Variants in FAM110B observed in about 807,000 individuals in gnomAD.
The protein encoded by FAM110B is protein FAM110B.
A neutral mutation model predicts 20.4 loss-of-function variants in FAM110B; 6 were observed. The ratio of observed to expected loss-of-function variants is 0.29; its 90% CI spans 0.16 to 0.58. The LOEUF (loss-of-function observed/expected upper bound fraction) is 0.58. FAM110B is among the 20% of genes least tolerant of loss of function. The pLI is 0.90. For missense variants in FAM110B, 434 were observed against 498.2 expected (o/e 0.87, Z 1.23); for synonymous variants, 226 against 214.1 (o/e 1.06, Z -0.49).
At chr8:58,106,231 A>G (rs1050022266) in intron 3 of FAM110B, 1 of 152,158 alleles carries the variant, frequency 6.6e-6, no homozygotes, top group Non-Finnish European at 1.5e-5. Flanking sequence ...TCATTCCCCA[A>G]ATCACTCTGT....
At chr8:58,134,870 G>T (rs968361427) in intron 3 of FAM110B, among the ~76,000 whole-genome samples, 19 of 152,148 alleles carry the variant, frequency 1.2e-4, no homozygotes, top group Admixed American at 1.2e-3. Context: ...TGGTTATTTG[G>T]TTTAACAAAA....
At chr8:58,126,007 AACC>A (rs1721912497) in intron 3 of FAM110B, among the ~76,000 whole-genome samples, 1 of 152,190 alleles carries the variant, frequency 6.6e-6, no homozygotes, top group Non-Finnish European at 1.5e-5. Context: ...AGATTTGTGT[AACC>A]ACCACCACAA....
intron 2 of FAM110B, among the ~76,000 whole-genome samples, chr8:58,061,873 A>AT (rs1307099656): frequency 1.3e-5 from 2 of 152,204 alleles, no homozygotes; most frequent in Admixed American, 6.5e-5. Context: ...TGGAGGAATA[A>AT]CTTCTTTTTA....
chr8:57,995,895 A>T (rs546912351), intron 1 of FAM110B, among the ~76,000 whole-genome samples: 1 of 152,258 alleles, frequency 6.6e-6, no homozygotes, highest in East Asian at 1.9e-4. Context: ...TAACTGGTCT[A>T]TTTCTCAAAA....
chr8:58,077,968 A>T (rs1161400832), intron 3 of FAM110B, among the ~76,000 whole-genome samples: 1 of 152,244 alleles, frequency 6.6e-6, no homozygotes. Context: ...AATAGATTGA[A>T]ACATTTTTAA....
chr8:58,100,814 G>GT (rs1806760851), intron 3 of FAM110B: 1 of 152,180 alleles, frequency 6.6e-6, no homozygotes, highest in South Asian at 2.1e-4. Context: ...GGTATTGGAG[G>GT]TTAGAACTTA....
chr8:58,018,633 A>G (rs1278283070), intron 1 of FAM110B, among the ~76,000 whole-genome samples: 1 of 152,166 alleles, frequency 6.6e-6, no homozygotes, highest in Admixed American at 6.5e-5. Context: ...AGACATTGAT[A>G]CGGTTGATTT....
chr8:58,066,620 G>A (rs948880536), intron 2 of FAM110B, among the ~76,000 whole-genome samples: 16 of 152,140 alleles, frequency 1.1e-4, no homozygotes, highest in African/African-American at 3.6e-4. Context: ...ACTCTTGCCC[G>A]CCAGTTGTCT....
chr8:58,131,585 C>G lies in FAM110B; in HGVS notation c.-324-14322C>G, dbSNP rs535850156. Among the ~76,000 whole-genome samples, 3 of 152,350 alleles carry G rather than the reference C, an allele frequency of 2.0e-5. No homozygotes were observed. In the East Asian group the frequency reaches 5.8e-4, roughly 29 times the overall value. ...TCCTGAAACCCTGCCAATCACTTTA[C>G]CAAAACCCTTCTTATCTAAGTCAAC... On this transcript the variant is annotated intron_variant, in intron 3 of 3. Coordinates refer to ENST00000519262, the MANE Select transcript of FAM110B (RefSeq NM_001377989.1).
At chr8:58,084,463 C>T (rs915318803) in intron 3 of FAM110B, among the ~76,000 whole-genome samples, 2 of 150,850 alleles carry the variant, frequency 1.3e-5, no homozygotes, top group African/African-American at 2.4e-5. Flanking sequence ...GATCTTGGCT[C>T]ACTGCAGCCT....
chr8:58,012,453 CTTTA>C (rs1290986145), intron 1 of FAM110B, among the ~76,000 whole-genome samples: 2 of 151,298 alleles, frequency 1.3e-5, no homozygotes, highest in Non-Finnish European at 2.9e-5. Context: ...ATGTTTTAAT[CTTTA>C]TTTATTTATT....
intron 3 of FAM110B, among the ~76,000 whole-genome samples, chr8:58,079,232 A>G (rs1806124018): frequency 6.6e-6 from 1 of 152,138 alleles, no homozygotes; most frequent in Non-Finnish European, 1.5e-5. Context: ...CGACAGTGAG[A>G]CCCACTGTGC....
Position 58,146,751 on chromosome 8 carries a change from C to T in FAM110B, c.521C>T (p.Pro174Leu), listed in dbSNP as rs1803876851. Residue 174 changes from proline to leucine, a missense_variant, in exon 4 of 4, where the codon CCG (proline) becomes CTG (leucine). This residue lies in a region of FAM110B where 284 missense variants were observed against 278.3 expected (regional missense o/e 1.02). Transcript: ENST00000519262. ...TACCCCACGCAGGGCCGCAGGAGCC[C>T]GCAGGAGGGCGGCTCCCACGTGGGC... ...KVYPTQGRRS[P>L]QEGGSHVGRR... is the part of the protein sequence containing the mutation. 1.2e-6 allele frequency: 2 copies of T among 1,611,712 alleles called. No homozygotes were observed. The highest frequency in any genetic ancestry group is 8.5e-7 in the Non-Finnish European group (1 of 1,179,024).
chr8:58,094,892 T>C (rs1299343225), intron 3 of FAM110B, among the ~76,000 whole-genome samples: 1 of 152,204 alleles, frequency 6.6e-6, no homozygotes, highest in Non-Finnish European at 1.5e-5. Flanking sequence ...TTTTTTTTGG[T>C]TGGTAGGCTA....
intron 3 of FAM110B, among the ~76,000 whole-genome samples, chr8:58,120,208 TAC>T (rs1391604081): frequency 6.6e-6 from 1 of 152,222 alleles, no homozygotes; most frequent in African/African-American, 2.4e-5. Context: ...GTCCACAGCG[TAC>T]AGTTTTCTTA....
intron 2 of FAM110B, among the ~76,000 whole-genome samples, chr8:58,051,254 G>A (rs1805434984): frequency 6.6e-6 from 1 of 152,162 alleles, no homozygotes; most frequent in Non-Finnish European, 1.5e-5. Flanking sequence ...GACAAGCTAG[G>A]ACACAGGGAG....
chr8:58,134,660 C>A (rs1287670486), intron 3 of FAM110B, among the ~76,000 whole-genome samples: 1 of 152,216 alleles, frequency 6.6e-6, no homozygotes, highest in Non-Finnish European at 1.5e-5. Flanking sequence ...TCTTCATATG[C>A]TCTGTGCAGT....
Position 58,146,881 on chromosome 8 carries a change from CAGT to C in FAM110B, c.654_656del (p.Ser220del). On this transcript the variant is annotated inframe_deletion, in exon 4 of 4. Transcript: ENST00000519262. ...TGAAGCCCCTCAAGGCCATCCCCTG[CAGT>C]AGCTCTGCCCCTCCCCTGCCTCCCA... 1 of 1,614,156 alleles carries C rather than the reference CAGT, an allele frequency of 6.2e-7. No individual in the cohort carries two copies. Among genetic ancestry groups the C allele is most frequent in the Non-Finnish European group, 8.5e-7 (1 of 1,180,026 alleles).
intron 2 of FAM110B, among the ~76,000 whole-genome samples, chr8:58,054,841 G>T (rs2150582523): frequency 6.6e-6 from 1 of 152,048 alleles, no homozygotes; most frequent in East Asian, 1.9e-4. Flanking sequence ...TCTTTTTTAG[G>T]CTAGTTTCAT....
Sources: allele counts gnomAD v4.1 joint callset (sites outside exome capture counted in the v4.1 genomes callset), GRCh38; gene constraint gnomAD v4.1.1; regional missense constraint gnomAD v4.1.1; transcripts MANE v1.5; gene names NCBI Gene and HGNC (gene_info 2026-07-23, HGNC 2026-07-21).